Variants in PPP1R14C observed in about 807,000 individuals in gnomAD.
PPP1R14C encodes protein phosphatase 1 regulatory inhibitor subunit 14C.
Under a neutral mutation model 20.4 loss-of-function variants are expected in PPP1R14C, and 16 were observed. The observed-to-expected ratio is 0.78, with a 90% confidence interval of 0.53 to 1.19. The LOEUF (loss-of-function observed/expected upper bound fraction) is 1.19, where lower values mean the gene tolerates loss of function less well. Ranked by LOEUF, PPP1R14C falls within the 50% of genes most tolerant of loss-of-function variation. PPP1R14C has a pLI of 0.00. For missense variants in PPP1R14C, 211 were observed against 220.1 expected (o/e 0.96, Z 0.26); for synonymous variants, 91 against 91.0 (o/e 1.00, Z 0.00).
intron 3 of PPP1R14C, among the ~76,000 whole-genome samples, chr6:150,245,021 G>A (rs1351926215): frequency 6.6e-6 from 1 of 152,058 alleles, no homozygotes; most frequent in East Asian, 1.9e-4. Context: ...TAAGCCTGGT[G>A]TTTTTCCCTC....
At position 150,182,960 on chromosome 6, in the gene PPP1R14C, A is replaced by G. The variant is rs569539928; in HGVS notation, c.307-31784A>G. On this transcript the variant is annotated intron_variant, in intron 1 of 3. Coordinates refer to ENST00000361131, the MANE Select transcript of PPP1R14C (RefSeq NM_030949.3). ...AGGCAGTTGTAACACAATAGAAGCA[A>G]TTGTATATCTAAACACATCTACACA... Among the ~76,000 whole-genome samples, 30 of 152,298 alleles carry G rather than the reference A, an allele frequency of 2.0e-4. No homozygotes were observed. In the South Asian group the frequency reaches 5.6e-3, roughly 28 times the overall value.
chr6:150,233,852 A>G (rs553652870), intron 3 of PPP1R14C, among the ~76,000 whole-genome samples: 1 of 152,174 alleles, frequency 6.6e-6, no homozygotes, highest in Non-Finnish European at 1.5e-5. Context: ...CAGAGCACGC[A>G]CCAGGCAGGA....
At chr6:150,165,585 TA>T (rs1160036812) in intron 1 of PPP1R14C, among the ~76,000 whole-genome samples, 2 of 152,270 alleles carry the variant, frequency 1.3e-5, no homozygotes, top group East Asian at 1.9e-4. Flanking sequence ...ATAATAGGAT[TA>T]TTTCCAGAGT....
intron 1 of PPP1R14C, among the ~76,000 whole-genome samples, chr6:150,188,482 C>CT (rs753993224): frequency 0.48 from 50,158 of 104,818 alleles, 12,766 homozygotes; most frequent in South Asian, 0.56. Context: ...CAGGAATTAC[C>CT]TTTTTTTTTT....
At chr6:150,189,068 A>G (rs1777711907) in intron 1 of PPP1R14C, among the ~76,000 whole-genome samples, 1 of 151,852 alleles carries the variant, frequency 6.6e-6, no homozygotes, top group Non-Finnish European at 1.5e-5. Context: ...CATTTTGGTC[A>G]GGCTGGTCTC....
At chr6:150,164,675 AC>A in intron 1 of PPP1R14C, 1 of 177,796 alleles carries the variant, frequency 5.6e-6, no homozygotes, top group Non-Finnish European at 1.3e-5. Flanking sequence ...TTGGCACATG[AC>A]CCATCTGACC....
chr6:150,201,875 A>AG lies in PPP1R14C; in HGVS notation c.307-12867dup, dbSNP rs993895681. On this transcript the variant is annotated intron_variant, in intron 1 of 3. Transcript: ENST00000361131. This position sits in a 1 kb window ranked among gnomAD's most constrained non-coding sequence, Gnocchi z 4.2. The stretch of plus-strand genomic sequence containing the variant: ...TGGATTGGATGGTGGCGACAGGGAG[A>AG]GGAGGGGTCAGGAGTGAAGTATTCC... Among the ~76,000 whole-genome samples, 11 of 152,234 alleles carry AG rather than the reference A, an allele frequency of 7.2e-5. No individual in the cohort carries two copies. The East Asian group carries it at 1.7e-3, about 24-fold the overall frequency.
rs1254276123 is a variant in PPP1R14C, at chr6:150,197,866, C to T, written c.307-16878C>T. On this transcript the variant is annotated intron_variant, in intron 1 of 3. Coordinates refer to ENST00000361131, the MANE Select transcript of PPP1R14C (RefSeq NM_030949.3). ...ATGCCCGGCTTTGTGTGCCCCTGCC[C>T]GCCACAGTGGAGGAGGGCCTGGATG... Among the ~76,000 whole-genome samples, 20 of 122,982 alleles carry T rather than the reference C, an allele frequency of 1.6e-4. 1 individual carries two copies. Among genetic ancestry groups the T allele is most frequent in the African/African-American group, 4.5e-4 (12 of 26,938 alleles). 80.7% of individuals were successfully genotyped at this position (122,982 alleles called of 152,430 possible).
At chr6:150,200,897 A>G (rs1465837618) in intron 1 of PPP1R14C, among the ~76,000 whole-genome samples, 1 of 152,122 alleles carries the variant, frequency 6.6e-6, no homozygotes, top group Non-Finnish European at 1.5e-5. Flanking sequence ...TGTGGATACC[A>G]GGGCTTGAAT....
intron 1 of PPP1R14C, among the ~76,000 whole-genome samples, chr6:150,179,865 G>A (rs1777601972): frequency 6.6e-6 from 1 of 152,172 alleles, no homozygotes; most frequent in Admixed American, 6.5e-5. Context: ...CATTTGTAAG[G>A]TGTGTTTTGG....
intron 1 of PPP1R14C, among the ~76,000 whole-genome samples, chr6:150,159,792 T>C (rs1361085234): frequency 6.6e-6 from 1 of 152,228 alleles, no homozygotes; most frequent in East Asian, 1.9e-4. Flanking sequence ...GATACATTAT[T>C]ATTCTCTAAA....
intron 1 of PPP1R14C, among the ~76,000 whole-genome samples, chr6:150,156,112 G>T (rs1183641316): frequency 6.6e-6 from 1 of 150,856 alleles, no homozygotes; most frequent in Non-Finnish European, 1.5e-5. Flanking sequence ...CCCAGTGAGT[G>T]AGCTACTTCT....
intron 1 of PPP1R14C, among the ~76,000 whole-genome samples, chr6:150,177,765 C>T (rs545521980): frequency 5.3e-5 from 8 of 152,084 alleles, no homozygotes; most frequent in Non-Finnish European, 1.2e-4. Flanking sequence ...GGACAGCTGT[C>T]GGGGAGGCAG....
chr6:150,188,119 A>T (rs1777698665), intron 1 of PPP1R14C, among the ~76,000 whole-genome samples: 1 of 152,160 alleles, frequency 6.6e-6, no homozygotes. Context: ...GGGTTTCTTT[A>T]TTTTATTGGG....
intron 1 of PPP1R14C, among the ~76,000 whole-genome samples, chr6:150,148,940 G>T (rs1209914264): frequency 6.6e-6 from 1 of 152,046 alleles, no homozygotes. Context: ...GGCATGCGCT[G>T]GTGGTCCCTG....
intron 3 of PPP1R14C, among the ~76,000 whole-genome samples, chr6:150,219,407 G>A (rs1778139599): frequency 6.6e-6 from 1 of 151,992 alleles, no homozygotes; most frequent in Non-Finnish European, 1.5e-5. Flanking sequence ...GTAGAGATGG[G>A]GTTTTGCCAT....
At position 150,249,193 on chromosome 6, in the gene PPP1R14C, A is replaced by G. The variant is rs998899761; in HGVS notation, c.*373A>G. ...ATAGTTTTCTTACAAGTAGTTTGGTAATATTTTTTTTCTTAAGTTGTACAT... is the reference window on the plus strand; with the variant it reads ...ATAGTTTTCTTACAAGTAGTTTGGTGATATTTTTTTTCTTAAGTTGTACAT... On this transcript the variant is annotated 3_prime_UTR_variant, in exon 4 of 4. Coordinates refer to ENST00000361131, the MANE Select transcript of PPP1R14C (RefSeq NM_030949.3). 2.8e-5 allele frequency: 11 copies of G among 398,976 alleles called. No individual in the cohort carries two copies. Among genetic ancestry groups the G allele is most frequent in the African/African-American group, 1.4e-4 (7 of 48,606 alleles). 24.7% of individuals were successfully genotyped at this position (398,976 alleles called of 1,614,324 possible). A position where few individuals can be genotyped will look rare whatever the true frequency, so the allele number is the denominator to read the frequency against.
intron 1 of PPP1R14C, among the ~76,000 whole-genome samples, chr6:150,146,103 G>T (rs1028943216): frequency 1.2e-4 from 18 of 152,110 alleles, no homozygotes; most frequent in Admixed American, 7.9e-4. Flanking sequence ...CTACCTACTA[G>T]GTGACTAGGT....
chr6:150,163,840 A>G (rs948960403), intron 1 of PPP1R14C, among the ~76,000 whole-genome samples: 87 of 152,264 alleles, frequency 5.7e-4, no homozygotes, highest in Admixed American at 2.6e-3. Context: ...CGAGAATATT[A>G]TTGCGTATGT....
Sources: gnomAD v4.1 joint callset for allele counts (sites outside exome capture counted in the v4.1 genomes callset) on GRCh38, gnomAD v4.1.1 for gene constraint, Gnocchi (gnomAD v3.1) non-coding constraint, MANE v1.5 for transcripts, NCBI Gene and HGNC (gene_info 2026-07-23, HGNC 2026-07-21) for gene names.